The following ABCC1 variants were observed in gnomAD, a reference collection of about 807,000 sequenced individuals.
The protein encoded by ABCC1 is ATP binding cassette subfamily C member 1 (ABCC1 blood group).
ABCC1 carries 83 observed loss-of-function variants against 172.9 expected under a neutral mutation model. The observed-to-expected ratio is 0.48, with a 90% CI of 0.40 to 0.58. ABCC1 has a LOEUF of 0.58. Among genes scored for constraint, ABCC1 ranks in the 20% least tolerant of loss-of-function variants. ABCC1 has a pLI of 0.00. For missense variants in ABCC1, 1,817 were observed against 2,002.7 expected, an observed-to-expected ratio of 0.91 and a Z score of 1.77; for synonymous variants, 937 against 825.2, an observed-to-expected ratio of 1.14 and a Z score of -2.32.
At chr16:16,056,465 A>C in intron 12 of ABCC1, 170 bp downstream of exon 12, 1 of 679,992 alleles carries the variant, frequency 1.5e-6, no homozygotes, top group South Asian at 1.9e-5. Context: ...TCAGGAGTTC[A>C]AGACCAGCCT....
chr16:16,014,763 C>T (rs920315522), intron 4 of ABCC1, 135 bp downstream of exon 4: 1 of 1,047,258 alleles, frequency 9.5e-7, no homozygotes. Context: ...TAGCTTCTCC[C>T]TTGGTGACTT....
chr16:16,059,311 C>A (rs143662655), intron 12 of ABCC1, among the ~76,000 whole-genome samples: 2 of 152,270 alleles, frequency 1.3e-5, no homozygotes, highest in Non-Finnish European at 2.9e-5. Context: ...TCTGTAAATA[C>A]TTTCGGAATT....
At chr16:15,997,382 C>T (rs928907695) in intron 1 of ABCC1, among the ~76,000 whole-genome samples, 11 of 152,152 alleles carry the variant, frequency 7.2e-5, no homozygotes, top group African/African-American at 2.4e-4. Flanking sequence ...TGAGCCACCG[C>T]GCCCAGCCGA....
At chr16:16,047,324 C>G (rs1386473885) in intron 9 of ABCC1, among the ~76,000 whole-genome samples, 3 of 152,118 alleles carry the variant, frequency 2.0e-5, no homozygotes, top group Admixed American at 2.0e-4. Context: ...CAGGGTCTCG[C>G]TCTGTCACCC....
intron 12 of ABCC1, among the ~76,000 whole-genome samples, chr16:16,057,689 G>A (rs1004846622): frequency 7.9e-5 from 12 of 152,100 alleles, no homozygotes; most frequent in Non-Finnish European, 1.3e-4. Context: ...GATATAAATG[G>A]AATCATACTG....
intron 1 of ABCC1, among the ~76,000 whole-genome samples, chr16:15,950,201 T>C (rs1172796091): frequency 3.5e-5 from 5 of 143,046 alleles, no homozygotes; most frequent in African/African-American, 5.0e-5. Flanking sequence ...GTGGTTAGGG[T>C]CCCCCCTTTT....
chr16:16,071,712 G>A lies in ABCC1; in HGVS notation c.1895G>A (p.Arg632Gln), dbSNP rs749375950. The A allele has an allele frequency of 9.9e-6, 16 of 1,613,790 alleles. No individual in the cohort carries two copies. Among genetic ancestry groups the A allele is most frequent in the East Asian group, 2.2e-5 (1 of 44,866 alleles). Residue 632 changes from arginine (R) to glutamine (Q), a missense_variant, in exon 14 of 31, where the codon CGA becomes CAA. Arg to Gln is a conservative substitution (Grantham distance 43, BLOSUM62 1). Transcript: ENST00000399410. ...HEELEPDSIE[R>Q]RPVKDGGGTN... ...GAGCTGGAACCTGACAGCATCGAGC[G>A]ACGGCCTGTCAAAGACGGTGTGTGT...
chr16:16,120,399 CCA>C (rs1357825678), intron 23 of ABCC1, among the ~76,000 whole-genome samples: 8 of 152,198 alleles, frequency 5.3e-5, no homozygotes, highest in African/African-American at 1.9e-4. Context: ...ATCCACAGCT[CCA>C]CAAAGCTTGC....
In ABCC1 at chr16:16,088,706, T is replaced by G. The variant is rs373779321; in HGVS notation, c.2461-1699T>G. Among the ~76,000 whole-genome samples, 727 of 119,470 alleles carry G rather than the reference T, an allele frequency of 6.1e-3. 11 individuals are homozygous for G. The highest frequency in any genetic ancestry group is 0.03 in the African/African-American group (699 of 23,128). 78.4% of individuals were successfully genotyped at this position (119,470 alleles called of 152,430 possible). A position where few individuals can be genotyped will look rare whatever the true frequency, so the allele number is the denominator to read the frequency against. ...ACTTTATTGGAACATGGCCAATGTA[T>G]TTTTTTTCTTTTTTTTTCTGCAGAC... On this transcript the variant is annotated intron_variant, in intron 18 of 30. Coordinates refer to ENST00000399410, the MANE Select transcript of ABCC1 (RefSeq NM_004996.4).
chr16:16,045,302 G>A (rs1407466002), intron 8 of ABCC1, among the ~76,000 whole-genome samples: 12 of 144,666 alleles, frequency 8.3e-5, no homozygotes, highest in African/African-American at 2.9e-4. Context: ...GGAGGCTGAG[G>A]CATAAAAATT....
intron 14 of ABCC1, among the ~76,000 whole-genome samples, chr16:16,073,294 A>G (rs938730960): frequency 6.6e-6 from 1 of 152,304 alleles, no homozygotes; most frequent in African/African-American, 2.4e-5. Flanking sequence ...CCCACAGCCC[A>G]TCGGTAGAGT....
chr16:16,030,914 G>A (rs946421474), intron 5 of ABCC1, among the ~76,000 whole-genome samples: 1 of 151,880 alleles, frequency 6.6e-6, no homozygotes, highest in African/African-American at 2.4e-5. Context: ...GTAGTGGCAC[G>A]ATCTCAGCTT....
In ABCC1 at chr16:15,951,059, G is replaced by A. The variant is rs1007249583; in HGVS notation, c.48+1260G>A. ...ATAGAACACAGACTTTGCCTTGAGG[G>A]TCTGGGGGTGATTGGAGCCTCTTTG... is the stretch of plus-strand genomic sequence containing the variant. On this transcript the variant is annotated intron_variant, in intron 1 of 30. Coordinates refer to ENST00000399410, the MANE Select transcript of ABCC1 (RefSeq NM_004996.4). Among the ~76,000 whole-genome samples the A allele has an allele frequency of 2.0e-5, 3 of 152,280 alleles. No individual in the cohort carries two copies. The South Asian group carries it at 6.2e-4, about 32-fold the overall frequency.
chr16:16,069,716 T>TAAAAGA (rs567908293), intron 13 of ABCC1, among the ~76,000 whole-genome samples: 7 of 150,756 alleles, frequency 4.6e-5, no homozygotes, highest in South Asian at 2.1e-4. Flanking sequence ...AAACTGGCAT[T>TAAAAGA]AAAAGAAAAA....
At chr16:15,971,989 T>C (rs1167583198) in intron 1 of ABCC1, among the ~76,000 whole-genome samples, 1 of 152,100 alleles carries the variant, frequency 6.6e-6, no homozygotes, top group Non-Finnish European at 1.5e-5. Flanking sequence ...CCTCCAGGAG[T>C]TGATTTTATA....
At chr16:16,006,902 G>A (rs1445484624) in intron 1 of ABCC1, among the ~76,000 whole-genome samples, 1 of 122,050 alleles carries the variant, frequency 8.2e-6, no homozygotes, top group African/African-American at 2.7e-5. Context: ...TGATGGTGGC[G>A]ATGGTGATGA....
chr16:16,079,485 T>C lies in ABCC1; in HGVS notation c.2115+7T>C, dbSNP rs746500972. The C allele has an allele frequency of 6.2e-7, 1 of 1,606,784 alleles. No individual in the cohort carries two copies. The highest frequency in any genetic ancestry group is 8.5e-7 in the Non-Finnish European group (1 of 1,174,904). ...GGGGCACGTGGCTATCAAGGTAGGATGAGGACCAGCGGGGAGGGGCAGTGG... is the reference window on the plus strand; with the variant it reads ...GGGGCACGTGGCTATCAAGGTAGGACGAGGACCAGCGGGGAGGGGCAGTGG... On this transcript the variant is annotated splice_region_variant and intron_variant, in intron 16 of 30. Coordinates refer to ENST00000399410, the MANE Select transcript of ABCC1 (RefSeq NM_004996.4).
chr16:16,111,291 T>A, intron 21 of ABCC1, 84 bp from the exon 22 acceptor site: 1 of 1,152,392 alleles, frequency 8.7e-7, no homozygotes, highest in Non-Finnish European at 1.3e-6. Flanking sequence ...GGCACAGTGC[T>A]GGTGAAGCCC....
intron 24 of ABCC1, 76 bp from the exon 25 acceptor site, chr16:16,124,713 T>A: frequency 6.3e-7 from 1 of 1,595,640 alleles, no homozygotes. Context: ...ATCCCCTTCC[T>A]CCCCCAAGAG....
Sources: allele counts gnomAD v4.1 joint callset (sites outside exome capture counted in the v4.1 genomes callset), GRCh38; gene constraint gnomAD v4.1.1; transcripts MANE v1.5; gene names NCBI Gene and HGNC (gene_info 2026-07-23, HGNC 2026-07-21).